Variants in ASIC2 observed in about 807,000 individuals in gnomAD.
The protein encoded by ASIC2 is acid sensing ion channel subunit 2, also known as acid-sensing ion channel 2.
In ASIC2, 25 loss-of-function variants were observed where a neutral mutation model predicts 57.3. The ratio of observed to expected loss-of-function variants is 0.44; its 90% CI spans 0.32 to 0.61. The LOEUF (loss-of-function observed/expected upper bound fraction) is 0.61, where lower values mean the gene tolerates loss of function less well. Among genes scored for constraint, ASIC2 ranks in the 20% least tolerant of loss-of-function variants. The pLI is 0.06. For missense variants in ASIC2, 641 were observed against 738.1 expected, an observed-to-expected ratio of 0.87 and a Z score of 1.52; for synonymous variants, 319 against 307.5, an observed-to-expected ratio of 1.04 and a Z score of -0.39.
intron 1 of ASIC2, among the ~76,000 whole-genome samples, chr17:34,010,416 G>A (rs998538838): frequency 7.2e-5 from 11 of 152,174 alleles, no homozygotes; most frequent in Non-Finnish European, 1.6e-4. Context: ...GGGTGCTCAA[G>A]CTGTGCACAG....
At chr17:33,808,689 T>C (rs1009001013) in intron 1 of ASIC2, among the ~76,000 whole-genome samples, 1 of 152,204 alleles carries the variant, frequency 6.6e-6, no homozygotes, top group African/African-American at 2.4e-5. Context: ...TGAGTCTCTG[T>C]TTTCTCATCT....
intron 4 of ASIC2, among the ~76,000 whole-genome samples, chr17:33,026,643 C>G (rs1028676274): frequency 6.6e-6 from 1 of 152,212 alleles, no homozygotes; most frequent in African/African-American, 2.4e-5. Flanking sequence ...ATTGACACCT[C>G]TACTGCTTGC....
chr17:33,404,427 A>T (rs1467929402), intron 1 of ASIC2, among the ~76,000 whole-genome samples: 1 of 152,240 alleles, frequency 6.6e-6, no homozygotes, highest in Admixed American at 6.5e-5. Context: ...CTCAGACAAC[A>T]CTTTCAGGAC....
intron 1 of ASIC2, among the ~76,000 whole-genome samples, chr17:34,079,720 G>C (rs1207647845): frequency 1.3e-5 from 2 of 152,202 alleles, no homozygotes; most frequent in Non-Finnish European, 2.9e-5. Flanking sequence ...CCAGGGTGCA[G>C]AATTTAAGGA....
chr17:33,208,366 A>G (rs1426977720), intron 1 of ASIC2, among the ~76,000 whole-genome samples: 1 of 152,056 alleles, frequency 6.6e-6, no homozygotes, highest in Non-Finnish European at 1.5e-5. Context: ...CAAGCTCCTT[A>G]CTCAGGGCTT....
At chr17:33,547,259 G>A (rs1175273810) in intron 1 of ASIC2, among the ~76,000 whole-genome samples, 2 of 147,956 alleles carry the variant, frequency 1.4e-5, no homozygotes, top group African/African-American at 2.7e-5. Flanking sequence ...GGCAGCAGAG[G>A]GGGTGGGTCG....
At chr17:33,548,479 A>G (rs1044264304) in intron 1 of ASIC2, among the ~76,000 whole-genome samples, 4 of 152,154 alleles carry the variant, frequency 2.6e-5, no homozygotes, top group African/African-American at 9.7e-5. Context: ...CAATTCTAGA[A>G]AACTAGATTG....
intron 1 of ASIC2, among the ~76,000 whole-genome samples, chr17:33,999,154 A>C (rs1204351773): frequency 6.6e-6 from 1 of 152,058 alleles, no homozygotes; most frequent in Non-Finnish European, 1.5e-5. Flanking sequence ...CTTAAAATCT[A>C]TTTTGTCCGA....
intron 1 of ASIC2, among the ~76,000 whole-genome samples, chr17:34,011,030 C>G (rs1221196948): frequency 2.1e-3 from 5 of 2,326 alleles, no homozygotes; most frequent in East Asian, 0.012. Flanking sequence ...AAGTCAGACA[C>G]ATGCACACAC....
intron 1 of ASIC2, among the ~76,000 whole-genome samples, chr17:33,630,773 T>C (rs954894255): frequency 6.6e-6 from 1 of 152,214 alleles, no homozygotes; most frequent in African/African-American, 2.4e-5. Context: ...CACTGCCTGG[T>C]CTATGGTGTA....
At chr17:33,363,696 A>C (rs1908698202) in intron 1 of ASIC2, among the ~76,000 whole-genome samples, 1 of 152,190 alleles carries the variant, frequency 6.6e-6, no homozygotes, top group South Asian at 2.1e-4. Flanking sequence ...GAGTGTTGGG[A>C]AATGAGGAGA....
At chr17:34,086,419 T>C (rs1910114704) in intron 1 of ASIC2, among the ~76,000 whole-genome samples, 1 of 152,166 alleles carries the variant, frequency 6.6e-6, no homozygotes, top group South Asian at 2.1e-4. Flanking sequence ...TGTTATAATT[T>C]CTGTTCTTTT....
intron 1 of ASIC2, among the ~76,000 whole-genome samples, chr17:33,303,727 T>C (rs562383385): frequency 6.6e-6 from 1 of 152,212 alleles, no homozygotes; most frequent in Non-Finnish European, 1.5e-5. Context: ...CCTTTCTTCC[T>C]TCTTTCCTTC....
intron 3 of ASIC2, among the ~76,000 whole-genome samples, chr17:33,038,279 C>T (rs2091917152): frequency 1.3e-5 from 2 of 152,222 alleles, no homozygotes; most frequent in South Asian, 2.1e-4. Context: ...AATATTCTAG[C>T]TCCACCTTGG....
At chr17:33,697,287 G>T (rs1055172069) in intron 1 of ASIC2, among the ~76,000 whole-genome samples, 2 of 152,180 alleles carry the variant, frequency 1.3e-5, no homozygotes, top group Non-Finnish European at 2.9e-5. Context: ...TGTGAGAACA[G>T]ACTAATACAT....
chr17:34,103,530 A>ATTTT (rs1483753229), intron 1 of ASIC2, among the ~76,000 whole-genome samples: 5 of 151,420 alleles, frequency 3.3e-5, no homozygotes, highest in Non-Finnish European at 7.4e-5. Context: ...TTGTCTTAAC[A>ATTTT]TTTTTCGTTA....
intron 1 of ASIC2, among the ~76,000 whole-genome samples, chr17:33,175,182 T>C (rs1905700442): frequency 6.6e-6 from 1 of 152,346 alleles, no homozygotes; most frequent in Admixed American, 6.5e-5. Context: ...CCACTGCTAA[T>C]GTGACCTATT....
chr17:33,474,999 T>C (rs1913173255), intron 1 of ASIC2, among the ~76,000 whole-genome samples: 1 of 152,122 alleles, frequency 6.6e-6, no homozygotes, highest in Admixed American at 6.5e-5. Context: ...TCCAATCCTC[T>C]CCAGGATGGT....
intron 1 of ASIC2, among the ~76,000 whole-genome samples, chr17:33,417,182 C>T (rs943987077): frequency 2.0e-5 from 3 of 152,124 alleles, no homozygotes; most frequent in Admixed American, 6.6e-5. Context: ...TGAATGGAAG[C>T]AAGCCCAATT....
Sources: allele counts gnomAD v4.1 joint callset (sites outside exome capture counted in the v4.1 genomes callset), GRCh38; gene constraint gnomAD v4.1.1; transcripts MANE v1.5; gene names NCBI Gene and HGNC (gene_info 2026-07-23, HGNC 2026-07-21).